The following PHKA2 variants were observed in gnomAD, a reference collection of about 807,000 sequenced individuals.
PHKA2 encodes phosphorylase kinase regulatory subunit alpha 2, also known as phosphorylase b kinase regulatory subunit alpha, liver isoform.
PHKA2 carries 31 observed loss-of-function variants against 102.0 expected under a neutral mutation model. The observed-to-expected ratio is 0.30, with a 90% CI of 0.23 to 0.41. PHKA2 has a LOEUF of 0.41. Ranked by LOEUF, PHKA2 falls within the 10% of genes least tolerant of loss-of-function variation. PHKA2 has a pLI of 1.00. For synonymous variants in PHKA2, 455 were observed against 416.2 expected (o/e 1.09, Z -1.13); for missense variants, 858 against 1,023.1 (o/e 0.84, Z 2.20).
intron 19 of PHKA2, among the ~76,000 whole-genome samples, chrX:18,913,073 GT>G (rs2047955359): frequency 1.1e-5 from 1 of 93,943 alleles, no homozygotes; most frequent in South Asian, 5.2e-4. Context: ...GCAAGACCCT[GT>G]CAAAAAAAAA....
intron 18 of PHKA2, 31 bp downstream of exon 18, chrX:18,920,001 G>A (rs781158553): frequency 3.4e-5 from 39 of 1,131,513 alleles, no homozygotes; most frequent in East Asian, 3.3e-4. Context: ...TAAATTCAGC[G>A]AACTACCCAC....
Position 18,893,603 on chromosome X carries a change from C to G in PHKA2, c.3590G>C (p.Cys1197Ser), listed in dbSNP as rs1569286164. 1 of 1,210,238 alleles carries G rather than the reference C, an allele frequency of 8.3e-7. No individual in the cohort carries two copies. The highest frequency in any genetic ancestry group is 1.8e-5 in the South Asian group (1 of 56,857). ...TLEKDQATGI[C>S]HFFYDSAPSG... ...CGGAGCGCTGTCATAAAAGAAGTGG[C>G]AGATTCCTGTGGCTTGGTCTTTCTC... The change falls in exon 33 of 33, where the codon TGC becomes TCC. Residue 1197 changes from cysteine to serine, a missense_variant. Transcript: ENST00000379942.
chrX:18,908,067 G>A lies in PHKA2; in HGVS notation c.2361-11C>T. 8.3e-7 allele frequency: 1 copy of A among 1,207,185 alleles called. No individual in the cohort carries two copies. On this transcript the variant is annotated splice_polypyrimidine_tract_variant and intron_variant, in intron 21 of 32. Transcript: ENST00000379942. The stretch of plus-strand genomic sequence containing the variant: ...TCCCAGCTGGGACCCCTGCCAAGAG[G>A]TAGAAAAACCCAGAAATATGGTCCA...
At position 18,910,819 on chromosome X, in the gene PHKA2, T is replaced by G. The variant is rs1601716867; in HGVS notation, c.2226+53A>C. The G allele has an allele frequency of 8.4e-6, 6 of 716,510 alleles. No homozygotes were observed. The East Asian group carries it at 2.2e-4, about 26-fold the overall frequency. 59.0% of individuals were successfully genotyped at this position (716,510 alleles called of 1,213,427 possible). A position where few individuals can be genotyped will look rare whatever the true frequency, so the allele number is the denominator to read the frequency against. ...CCATTTGGAAGAGTTTGGGGACTCATCCTGCATTGTAGAACACCATACTTT... is the reference window on the plus strand; with the variant it reads ...CCATTTGGAAGAGTTTGGGGACTCAGCCTGCATTGTAGAACACCATACTTT... On this transcript the variant is annotated intron_variant, in intron 20 of 32. Coordinates refer to ENST00000379942, the MANE Select transcript of PHKA2 (RefSeq NM_000292.3).
intron 5 of PHKA2, 107 bp downstream of exon 5, chrX:18,948,637 C>T (rs183105477): frequency 3.6e-6 from 2 of 552,605 alleles, no homozygotes; most frequent in African/African-American, 4.5e-5. Context: ...GCTAGTCTCG[C>T]TAACCTTTTG....
intron 1 of PHKA2, among the ~76,000 whole-genome samples, chrX:18,982,932 C>T (rs1304785525): frequency 8.9e-6 from 1 of 112,274 alleles, no homozygotes. Flanking sequence ...ATTCTTGTAA[C>T]CCCAGCACTT....
intron 1 of PHKA2, among the ~76,000 whole-genome samples, chrX:18,964,582 C>T (rs1051568058): frequency 2.7e-5 from 3 of 112,476 alleles, no homozygotes; most frequent in Non-Finnish European, 3.7e-5. Context: ...GTTACAATAA[C>T]GCCAACAACT....
chrX:18,943,639 C>G, intron 7 of PHKA2, 71 bp downstream of exon 7: 1 of 843,220 alleles, frequency 1.2e-6, no homozygotes, highest in Non-Finnish European at 1.8e-6. Context: ...GGTGGGGAAT[C>G]TGCACTGGAT....
At chrX:18,958,469 A>G (rs957590256) in intron 1 of PHKA2, among the ~76,000 whole-genome samples, 12 of 111,771 alleles carry the variant, frequency 1.1e-4, no homozygotes, top group Non-Finnish European at 2.1e-4. Context: ...GGCATATTAT[A>G]TGTGTATACA....
rs375687463 is a variant in PHKA2, at chrX:18,907,037, G to A, written c.2578C>T (p.Arg860Trp). ...QLTVGLPPEP[R>W]EKIISAPLPP... ...ACTTACGCAGAGATGATCTTCTCCC[G>A]GGGCTCGGGCGGCAGGCCCACGGTG... Residue 860 changes from arginine (R) to tryptophan (W), a missense_variant, in exon 23 of 33, where the codon CGG (arginine) becomes TGG (tryptophan). Coordinates refer to ENST00000379942, the MANE Select transcript of PHKA2 (RefSeq NM_000292.3). 3.4e-4 allele frequency: 406 copies of A among 1,195,153 alleles called. No homozygotes were observed. Among genetic ancestry groups the A allele is most frequent in the Middle Eastern group, 9.8e-4 (4 of 4,066 alleles).
intron 12 of PHKA2, 79 bp downstream of exon 12, chrX:18,931,560 CAG>C: frequency 2.9e-6 from 2 of 691,899 alleles, no homozygotes; most frequent in Non-Finnish European, 4.7e-6. Context: ...GCACGCCTGG[CAG>C]AGAGTCCCTA....
In PHKA2 at chrX:18,913,168, G is replaced by A. The variant is rs761628897; in HGVS notation, c.2138-2208C>T. Among the ~76,000 whole-genome samples the A allele has an allele frequency of 6.3e-5, 7 of 111,190 alleles. No individual in the cohort carries two copies. In the East Asian group the frequency reaches 1.4e-3, roughly 22 times the overall value. On this transcript the variant is annotated intron_variant, in intron 19 of 32. Coordinates refer to ENST00000379942, the MANE Select transcript of PHKA2 (RefSeq NM_000292.3). ...GCCATGAATGGAGCTTGCAGGACTG[G>A]AAGTTGCTCTGGGTGACTGGGTGAG...
intron 1 of PHKA2, among the ~76,000 whole-genome samples, chrX:18,958,297 G>A (rs190073964): frequency 2.1e-4 from 24 of 111,688 alleles, no homozygotes; most frequent in Non-Finnish European, 4.3e-4. Context: ...TTTAGAGGCT[G>A]CATCATATTC....
At chrX:18,932,533 G>T (rs1159523922) in intron 11 of PHKA2, among the ~76,000 whole-genome samples, 3 of 109,481 alleles carry the variant, frequency 2.7e-5, no homozygotes, top group African/African-American at 1.0e-4. Context: ...TCTGCTTGCA[G>T]ATTAATCAAT....
intron 19 of PHKA2, among the ~76,000 whole-genome samples, chrX:18,917,970 CAGA>C (rs1049603607): frequency 9.1e-6 from 1 of 110,015 alleles, no homozygotes; most frequent in Non-Finnish European, 1.9e-5. Flanking sequence ...TCCACCAAAA[CAGA>C]AGAATACATT....
chrX:18,935,398 G>A (rs902814195), intron 11 of PHKA2, among the ~76,000 whole-genome samples: 2 of 111,678 alleles, frequency 1.8e-5, no homozygotes, highest in Admixed American at 1.9e-4. Context: ...CAATACCCCT[G>A]TACATTGGCC....
chrX:18,965,477 C>T (rs750700458), intron 1 of PHKA2, among the ~76,000 whole-genome samples: 11 of 110,899 alleles, frequency 9.9e-5, no homozygotes, highest in Non-Finnish European at 1.9e-4. Context: ...TGTTTCAGGT[C>T]GGGGTTTGGG....
chrX:18,908,115 A>G, intron 21 of PHKA2, 59 bp from the exon 22 acceptor site: 2 of 1,091,534 alleles, frequency 1.8e-6, no homozygotes, highest in South Asian at 3.7e-5. Context: ...TGGGAGAGGA[A>G]TGGATCACTG....
rs141003781 is a variant in PHKA2 at position 18,968,498 on chromosome X, G to A, written c.79-14086C>T. On this transcript the variant is annotated intron_variant, in intron 1 of 32. Transcript: ENST00000379942. ...TACAATCAAAACTCAACAAGTGGACGGTTTCTTAAACGCCAGTTGAAATGT... is the reference window on the plus strand; with the variant it reads ...TACAATCAAAACTCAACAAGTGGACAGTTTCTTAAACGCCAGTTGAAATGT... Among the ~76,000 whole-genome samples, 82 of 109,801 alleles carry A rather than the reference G, an allele frequency of 7.5e-4. 1 individual carries two copies. In the East Asian group the frequency reaches 0.021, roughly 28 times the overall value.
Sources: allele counts gnomAD v4.1 joint callset (sites outside exome capture counted in the v4.1 genomes callset), GRCh38; gene constraint gnomAD v4.1.1; transcripts MANE v1.5; gene names NCBI Gene and HGNC (gene_info 2026-07-23, HGNC 2026-07-21).